Variants in ATF2 observed in about 807,000 individuals in gnomAD.
The protein encoded by ATF2 is activating transcription factor 2, also known as cyclic AMP-dependent transcription factor ATF-2.
Under a neutral mutation model 60.6 loss-of-function variants are expected in ATF2, and 24 were observed. The ratio of observed to expected loss-of-function variants is 0.40; its 90% CI spans 0.29 to 0.56. The LOEUF (loss-of-function observed/expected upper bound fraction) is 0.56. Among genes scored for constraint, ATF2 ranks in the 20% least tolerant of loss-of-function variants. The pLI is 0.54. For missense variants in ATF2, 433 were observed against 607.7 expected (o/e 0.71, Z 3.02); for synonymous variants, 206 against 215.4 (o/e 0.96, Z 0.38).
At chr2:175,135,869 T>C (rs540468053) in intron 3 of ATF2, among the ~76,000 whole-genome samples, 1 of 152,300 alleles carries the variant, frequency 6.6e-6, no homozygotes, top group South Asian at 2.1e-4. Context: ...TGTAACACTG[T>C]TTCTTTTTCA....
chr2:175,166,082 GGATAA>G (rs1426489074), intron 1 of ATF2, among the ~76,000 whole-genome samples: 4 of 152,126 alleles, frequency 2.6e-5, no homozygotes, highest in East Asian at 3.9e-4. Context: ...ATAAACATTC[GGATAA>G]GATATTTTAA....
intron 10 of ATF2, among the ~76,000 whole-genome samples, chr2:175,104,417 C>G (rs537162837): frequency 6.6e-6 from 1 of 151,636 alleles, no homozygotes; most frequent in Non-Finnish European, 1.5e-5. Context: ...AAGTAAAATC[C>G]AACAAAAGCA....
intron 12 of ATF2, among the ~76,000 whole-genome samples, chr2:175,091,426 AAAT>A (rs1300860201): frequency 3.9e-5 from 6 of 152,238 alleles, no homozygotes; most frequent in Non-Finnish European, 7.3e-5. Context: ...TTGAAAATTT[AAAT>A]AATAATAAAT....
At chr2:175,114,131 A>C (rs1696387752) in intron 8 of ATF2, 23 bp from the exon 9 acceptor site, 1 of 1,552,392 alleles carries the variant, frequency 6.4e-7, no homozygotes, top group Admixed American at 2.2e-5. Context: ...AAAGAAGAGA[A>C]ATTTTAAAAA....
rs13034941 is a variant in ATF2 at position 175,081,789 on chromosome 2, G to A, written c.1186-1024C>T. 1.3e-3 allele frequency among the ~76,000 whole-genome samples: 197 copies of A among 152,312 alleles called. 2 individuals carry two copies. The highest frequency in any genetic ancestry group is 0.011 in the South Asian group (51 of 4,822). On this transcript the variant is annotated intron_variant, in intron 12 of 13. Transcript: ENST00000264110. ...TTAGCAGGCTGACACGGTGGCTCAC[G>A]CCTGTGATCCCAGCACTTTGGGAGG... is the stretch of plus-strand genomic sequence containing the variant.
chr2:175,155,846 G>A (rs759971594), intron 1 of ATF2, among the ~76,000 whole-genome samples: 26 of 152,104 alleles, frequency 1.7e-4, no homozygotes, highest in Non-Finnish European at 3.5e-4. Context: ...TAAAAGTGGT[G>A]TATCTGGAAA....
intron 10 of ATF2, among the ~76,000 whole-genome samples, chr2:175,107,733 T>C (rs1033803090): frequency 1.3e-5 from 2 of 151,984 alleles, no homozygotes; most frequent in African/African-American, 2.4e-5. Flanking sequence ...GCCTGACTGG[T>C]TTTCGTATTT....
At chr2:175,115,373 A>G (rs764411798) in intron 7 of ATF2, among the ~76,000 whole-genome samples, 6 of 152,152 alleles carry the variant, frequency 3.9e-5, no homozygotes, top group African/African-American at 9.7e-5. Context: ...TACCTCTTCT[A>G]TATCAATAAT....
At chr2:175,119,104 C>A (rs1051179293) in intron 5 of ATF2, among the ~76,000 whole-genome samples, 1 of 151,576 alleles carries the variant, frequency 6.6e-6, no homozygotes, top group Non-Finnish European at 1.5e-5. Flanking sequence ...CTACTATGTA[C>A]ATTAACATAG....
chr2:175,124,315 C>A (rs1559090060), intron 4 of ATF2, among the ~76,000 whole-genome samples: 1 of 150,318 alleles, frequency 6.7e-6, no homozygotes. Flanking sequence ...TTGATAGGTG[C>A]CTAGCAGGTA....
chr2:175,113,316 G>C (rs1411762131), intron 9 of ATF2, among the ~76,000 whole-genome samples: 2 of 150,798 alleles, frequency 1.3e-5, no homozygotes, highest in Non-Finnish European at 3.0e-5. Flanking sequence ...ATCCAGGCAG[G>C]ATCCATAGCT....
chr2:175,122,715 T>C (rs574692522), intron 4 of ATF2, among the ~76,000 whole-genome samples: 1 of 152,156 alleles, frequency 6.6e-6, no homozygotes, highest in South Asian at 2.1e-4. Context: ...CATATTTTCA[T>C]ATGTCTGTCC....
At chr2:175,116,935 C>A (rs1157813104) in intron 7 of ATF2, among the ~76,000 whole-genome samples, 2 of 151,802 alleles carry the variant, frequency 1.3e-5, no homozygotes, top group Non-Finnish European at 2.9e-5. Context: ...AAAGTACAAT[C>A]ATTAAAAAGT....
chr2:175,081,203 C>T (rs1034026341), intron 12 of ATF2, among the ~76,000 whole-genome samples: 2 of 151,996 alleles, frequency 1.3e-5, no homozygotes, highest in African/African-American at 4.8e-5. Flanking sequence ...TTCCAGTTTC[C>T]TAGAAACCAA....
chr2:175,114,012 A>G lies in ATF2; in HGVS notation c.723T>C (p.His241=), dbSNP rs748387664. Residue 241 remains histidine (H), a synonymous_variant, in exon 9 of 14, where the codon CAT becomes CAC. Coordinates refer to ENST00000264110, the MANE Select transcript of ATF2 (RefSeq NM_001880.4). The part of the protein sequence containing the change: ...IPASITSSNV[H]VPAAVPLVRP... ...TTCTTACTGGGACTGCAGCTGGAACATGCACATTAGAACTTGTAATTGATG... is the reference window on the plus strand; with the variant it reads ...TTCTTACTGGGACTGCAGCTGGAACGTGCACATTAGAACTTGTAATTGATG... 6.2e-7 allele frequency: 1 copy of G among 1,610,654 alleles called. No homozygotes were observed. Among genetic ancestry groups the G allele is most frequent in the Non-Finnish European group, 8.5e-7 (1 of 1,178,134 alleles).
intron 5 of ATF2, among the ~76,000 whole-genome samples, chr2:175,118,906 A>G (rs1696765516): frequency 6.6e-6 from 1 of 151,408 alleles, no homozygotes; most frequent in African/African-American, 2.4e-5. Context: ...AAAACAACAA[A>G]CCCTCTTTTT....
At chr2:175,138,019 T>C (rs7590578) in intron 2 of ATF2, among the ~76,000 whole-genome samples, 5,189 of 152,200 alleles carry the variant, frequency 0.034, 293 homozygotes, top group African/African-American at 0.12. Flanking sequence ...AACAGAAGCC[T>C]GGAAGGGAGG....
intron 1 of ATF2, among the ~76,000 whole-genome samples, chr2:175,162,930 G>A (rs1022623193): frequency 6.6e-6 from 1 of 151,872 alleles, no homozygotes; most frequent in Non-Finnish European, 1.5e-5. Context: ...TCAGAAGATC[G>A]AGACCATCCT....
At chr2:175,076,424 A>G (rs1693298916) in intron 13 of ATF2, among the ~76,000 whole-genome samples, 1 of 152,204 alleles carries the variant, frequency 6.6e-6, no homozygotes, top group Admixed American at 6.5e-5. Context: ...AAAAAATTAT[A>G]GATTCAGATG....
Sources: allele counts gnomAD v4.1 joint callset (sites outside exome capture counted in the v4.1 genomes callset), GRCh38; gene constraint gnomAD v4.1.1; transcripts MANE v1.5; gene names NCBI Gene and HGNC (gene_info 2026-07-23, HGNC 2026-07-21).